Variants in FGF12 observed in about 807,000 individuals in gnomAD.
FGF12 encodes the protein fibroblast growth factor 12B.
In FGF12, 14 loss-of-function variants were observed where a neutral mutation model predicts 23.6. The observed-to-expected ratio is 0.59, with a 90% confidence interval of 0.39 to 0.93. FGF12 has a LOEUF of 0.93. FGF12 is among the 40% of genes least tolerant of loss of function. The probability of loss-of-function intolerance (pLI) is 0.00; values close to 1 mark genes in which losing one functional copy is unlikely to be tolerated. For missense variants in FGF12, 175 were observed against 217.8 expected, an observed-to-expected ratio of 0.80 and a Z score of 1.24; for synonymous variants, 62 against 77.3, an observed-to-expected ratio of 0.80 and a Z score of 1.04.
chr3:192,386,696 C>G (rs1229833217), intron 2 of FGF12, among the ~76,000 whole-genome samples: 1 of 151,938 alleles, frequency 6.6e-6, no homozygotes, highest in East Asian at 1.9e-4. Flanking sequence ...TGAATAGAAA[C>G]AGAGACGTGT....
At chr3:192,472,379 G>T (rs1723200046) in intron 2 of FGF12, among the ~76,000 whole-genome samples, 1 of 152,034 alleles carries the variant, frequency 6.6e-6, no homozygotes, top group South Asian at 2.1e-4. Context: ...GGCCTCTCCG[G>T]TCATCCAGTC....
chr3:192,349,059 T>C (rs372515204), intron 3 of FGF12, among the ~76,000 whole-genome samples: 1 of 152,158 alleles, frequency 6.6e-6, no homozygotes, highest in East Asian at 1.9e-4. Flanking sequence ...TTATGCTTCA[T>C]GGTAGTATGC....
intron 2 of FGF12, among the ~76,000 whole-genome samples, chr3:192,468,513 G>A (rs1354213206): frequency 6.6e-6 from 1 of 152,180 alleles, no homozygotes; most frequent in African/African-American, 2.4e-5. Flanking sequence ...ATTTAGGGTT[G>A]TCTGCTGTTT....
At chr3:192,365,530 G>A (rs1217955138) in intron 2 of FGF12, among the ~76,000 whole-genome samples, 1 of 151,236 alleles carries the variant, frequency 6.6e-6, no homozygotes, top group African/African-American at 2.4e-5. Context: ...TTGGATATAG[G>A]GTATATGAGA....
At chr3:192,418,500 A>T (rs1484840412) in intron 2 of FGF12, among the ~76,000 whole-genome samples, 1 of 152,146 alleles carries the variant, frequency 6.6e-6, no homozygotes, top group African/African-American at 2.4e-5. Context: ...ATAGGTTAAA[A>T]GTGTTTGAGG....
intron 2 of FGF12, among the ~76,000 whole-genome samples, chr3:192,565,570 T>C (rs550405978): frequency 2.0e-5 from 3 of 152,234 alleles, no homozygotes; most frequent in Admixed American, 2.0e-4. Context: ...CCCAGTAACA[T>C]GCTGTATAGG....
At chr3:192,234,332 T>A (rs1719171852) in intron 4 of FGF12, among the ~76,000 whole-genome samples, 1 of 152,186 alleles carries the variant, frequency 6.6e-6, no homozygotes, top group South Asian at 2.1e-4. Flanking sequence ...TGGGATCAAA[T>A]TCTTGATTTG....
intron 4 of FGF12, among the ~76,000 whole-genome samples, chr3:192,270,614 T>C (rs1713369992): frequency 6.6e-6 from 1 of 152,164 alleles, no homozygotes; most frequent in Admixed American, 6.5e-5. Context: ...TTGTATCTTA[T>C]ACGTTATGTA....
At chr3:192,367,685 G>A (rs1223693349) in intron 2 of FGF12, among the ~76,000 whole-genome samples, 2 of 152,156 alleles carry the variant, frequency 1.3e-5, no homozygotes, top group South Asian at 4.1e-4. Flanking sequence ...AGGAGAAGCA[G>A]GCCTGAGGCC....
chr3:192,175,899 T>C (rs1236343343), intron 4 of FGF12, among the ~76,000 whole-genome samples: 1 of 152,146 alleles, frequency 6.6e-6, no homozygotes, highest in Non-Finnish European at 1.5e-5. Context: ...TCTTCCTGTT[T>C]CTTCTCCCTG....
intron 2 of FGF12, among the ~76,000 whole-genome samples, chr3:192,609,768 C>G (rs1406981407): frequency 2.0e-5 from 3 of 152,078 alleles, no homozygotes; most frequent in African/African-American, 7.2e-5. Flanking sequence ...AAGGTCATAA[C>G]TGTATTTTAT....
intron 2 of FGF12, among the ~76,000 whole-genome samples, chr3:192,401,294 T>G (rs1282075481): frequency 2.0e-5 from 3 of 152,240 alleles, no homozygotes; most frequent in Non-Finnish European, 4.4e-5. Flanking sequence ...GAGGATAACC[T>G]GGCCTCACAA....
chr3:192,288,746 C>T (rs1461348991), intron 4 of FGF12, among the ~76,000 whole-genome samples: 2 of 152,102 alleles, frequency 1.3e-5, no homozygotes, highest in Non-Finnish European at 2.9e-5. Context: ...TATCCCAAAA[C>T]TAGTTTGTGC....
At chr3:192,427,363 A>C (rs1721720647) in intron 2 of FGF12, among the ~76,000 whole-genome samples, 1 of 146,290 alleles carries the variant, frequency 6.8e-6, no homozygotes, top group Non-Finnish European at 1.5e-5. Flanking sequence ...TGGGCGACAG[A>C]GCAGGACTCC....
intron 2 of FGF12, among the ~76,000 whole-genome samples, chr3:192,575,623 G>C (rs1047595890): frequency 6.6e-6 from 1 of 151,864 alleles, no homozygotes; most frequent in African/African-American, 2.4e-5. Context: ...TCCTTCTTTT[G>C]GTACCACTTA....
At chr3:192,175,109 A>T (rs1715783635) in intron 4 of FGF12, among the ~76,000 whole-genome samples, 1 of 152,232 alleles carries the variant, frequency 6.6e-6, no homozygotes, top group Admixed American at 6.5e-5. Flanking sequence ...AGACTTAGAC[A>T]ATCACATATA....
chr3:192,150,058 A>C (rs1713962346), intron 5 of FGF12, among the ~76,000 whole-genome samples: 1 of 96,706 alleles, frequency 1.0e-5, no homozygotes, highest in Admixed American at 1.1e-4. Context: ...CATTTCTCTG[A>C]TGGCCAGTGA....
chr3:192,170,184 G>A (rs143923821), intron 5 of FGF12, among the ~76,000 whole-genome samples: 1 of 141,766 alleles, frequency 7.1e-6, no homozygotes, highest in East Asian at 2.0e-4. Flanking sequence ...TACGGAGGCT[G>A]AGGCAGGAGA....
At chr3:192,305,854 GTTTTTTTTTTT>G (rs755560177) in intron 4 of FGF12, among the ~76,000 whole-genome samples, 3 of 77,444 alleles carry the variant, frequency 3.9e-5, no homozygotes, top group African/African-American at 1.9e-4. Flanking sequence ...CATCTCTCTG[GTTTTTTTTTTT>G]TTTTTTTTTT....
Sources: allele counts gnomAD v4.1 joint callset (sites outside exome capture counted in the v4.1 genomes callset), GRCh38; gene constraint gnomAD v4.1.1; transcripts MANE v1.5; gene names NCBI Gene and HGNC (gene_info 2026-07-23, HGNC 2026-07-21).